Variants in RERE observed in about 807,000 individuals in gnomAD.
RERE encodes the protein arginine-glutamic acid dipeptide repeats protein.
In RERE, 40 loss-of-function variants were observed where a neutral mutation model predicts 146.1. The ratio of observed to expected loss-of-function variants is 0.27; its 90% CI spans 0.21 to 0.36. RERE has a LOEUF of 0.36. Ranked by LOEUF, RERE falls within the 10% of genes least tolerant of loss-of-function variation. The pLI is 1.00. For synonymous variants in RERE, 1,003 were observed against 866.0 expected (o/e 1.16, Z -2.78); for missense variants, 1,933 against 2,138.7 (o/e 0.90, Z 1.90).
intron 1 of RERE, among the ~76,000 whole-genome samples, chr1:8,700,597 G>A (rs1377396806): frequency 1.3e-5 from 2 of 152,148 alleles, no homozygotes; most frequent in African/African-American, 2.4e-5. Flanking sequence ...AACTGCTGTT[G>A]GTCAATGGGT....
At chr1:8,497,598 A>G in intron 8 of RERE, 69 bp from the exon 9 acceptor site, 1 of 1,537,752 alleles carries the variant, frequency 6.5e-7, no homozygotes, top group Non-Finnish European at 9.0e-7. Context: ...CTCAATAAGC[A>G]GTCTTTAGGA....
intron 7 of RERE, among the ~76,000 whole-genome samples, chr1:8,537,497 A>G (rs1645743129): frequency 1.3e-5 from 2 of 152,222 alleles, no homozygotes; most frequent in Non-Finnish European, 2.9e-5. Flanking sequence ...TCAGCCATCA[A>G]ATACATTTTG....
intron 12 of RERE, among the ~76,000 whole-genome samples, chr1:8,416,586 C>CA (rs5772324): frequency 0.59 from 62,703 of 105,396 alleles, 17,313 homozygotes; most frequent in East Asian, 0.76. Flanking sequence ...ACTCCATCTC[C>CA]AAAAAAAAAA....
At position 8,360,329 on chromosome 1, in the gene RERE, C is replaced by A. The variant is rs374275905; in HGVS notation, c.3178G>T (p.Ala1060Ser). The change falls in exon 18 of 23, where the codon GCG (alanine) becomes TCG (serine). Residue 1060 changes from alanine (A) to serine (S), a missense_variant. By Grantham distance (99) the Ala-to-Ser change is moderately conservative. This residue lies in a region of RERE where 1,255 missense variants were observed against 1,153.8 expected (regional missense o/e 1.09). Transcript: ENST00000400908. ...PTCPSTSTPPAGPGTSAQPPC... is the reference protein window; with the variant it reads ...PTCPSTSTPPSGPGTSAQPPC... ...GGCTGGGCCGAGGTGCCAGGTCCCG[C>A]CGGTGGGGTAGAGGTGGAGGGGCAG... The A allele has an allele frequency of 4.6e-6, 7 of 1,523,504 alleles. No homozygotes were observed. The highest frequency in any genetic ancestry group is 1.4e-5 in the African/African-American group (1 of 71,828). 94.4% of individuals were successfully genotyped at this position (1,523,504 alleles called of 1,614,324 possible).
rs116762802 is a variant in RERE at position 8,565,438 on chromosome 1, G to A, written c.523-7915C>T. Reference sequence around the variant, plus strand: ...GACTCTAAGAATGCCCGGGCACCGTGGCGCATGCCTGGAATCCCAGCACTT... The same window carrying A: ...GACTCTAAGAATGCCCGGGCACCGTAGCGCATGCCTGGAATCCCAGCACTT... On this transcript the variant is annotated intron_variant, in intron 4 of 22. Transcript: ENST00000400908. Among the ~76,000 whole-genome samples, 1,216 of 152,294 alleles carry A rather than the reference G, an allele frequency of 8.0e-3. 13 individuals are homozygous for A. The highest frequency in any genetic ancestry group is 0.028 in the African/African-American group (1,162 of 41,562).
chr1:8,601,684 T>C (rs1271155355), intron 4 of RERE, among the ~76,000 whole-genome samples: 4 of 114,356 alleles, frequency 3.5e-5, no homozygotes, highest in African/African-American at 7.0e-5. Context: ...CTTCCTTCCA[T>C]GATCCTTTGG....
At chr1:8,404,160 T>C (rs2124446244) in intron 12 of RERE, among the ~76,000 whole-genome samples, 1 of 152,132 alleles carries the variant, frequency 6.6e-6, no homozygotes, top group South Asian at 2.1e-4. Flanking sequence ...CCGGGTGCGG[T>C]GGCTCACGCT....
At chr1:8,459,451 A>T (rs1357245115) in intron 11 of RERE, among the ~76,000 whole-genome samples, 1 of 152,214 alleles carries the variant, frequency 6.6e-6, no homozygotes, top group Non-Finnish European at 1.5e-5. Context: ...TTCAATTTAA[A>T]ATGTACTAAG....
At chr1:8,396,779 A>G (rs758293457) in intron 12 of RERE, among the ~76,000 whole-genome samples, 1 of 151,868 alleles carries the variant, frequency 6.6e-6, no homozygotes, top group South Asian at 2.1e-4. Flanking sequence ...CGCTTTCATC[A>G]TCCCCCAAAG....
At chr1:8,781,356 C>CA (rs55676461) in intron 1 of RERE, among the ~76,000 whole-genome samples, 6,879 of 129,484 alleles carry the variant, frequency 0.053, 259 homozygotes, top group African/African-American at 0.11. Context: ...GACTCCGTCT[C>CA]AAAAAAAAAA....
chr1:8,694,202 G>T (rs1228149873), intron 1 of RERE, among the ~76,000 whole-genome samples: 1 of 152,100 alleles, frequency 6.6e-6, no homozygotes, highest in Admixed American at 6.6e-5. Context: ...CTCTTTGCTG[G>T]CAATATGATT....
chr1:8,555,782 C>T (rs139933004), intron 6 of RERE, among the ~76,000 whole-genome samples: 3 of 152,226 alleles, frequency 2.0e-5, no homozygotes, highest in East Asian at 3.9e-4. Context: ...CCCAAAGATG[C>T]AAATGTCATG....
intron 10 of RERE, among the ~76,000 whole-genome samples, chr1:8,487,773 T>C (rs1021969505): frequency 4.6e-5 from 7 of 152,142 alleles, no homozygotes; most frequent in East Asian, 1.9e-4. Flanking sequence ...GCACACGACA[T>C]GTTTAGCAGG....
At chr1:8,411,930 C>T (rs144900517) in intron 12 of RERE, among the ~76,000 whole-genome samples, 2 of 152,212 alleles carry the variant, frequency 1.3e-5, no homozygotes, top group East Asian at 3.9e-4. Context: ...ATTACAGATT[C>T]TCGCCAAATG....
intron 4 of RERE, among the ~76,000 whole-genome samples, chr1:8,574,660 C>CA (rs1478419564): frequency 6.6e-6 from 1 of 151,980 alleles, no homozygotes; most frequent in Non-Finnish European, 1.5e-5. Context: ...CATGCTAAGC[C>CA]AAAAAAATCA....
intron 1 of RERE, among the ~76,000 whole-genome samples, chr1:8,805,328 T>C (rs1319291024): frequency 6.6e-6 from 1 of 151,960 alleles, no homozygotes; most frequent in Non-Finnish European, 1.5e-5. Flanking sequence ...ACCTAGCCAA[T>C]ATGGTGAAAC....
At chr1:8,773,706 A>C (rs1037865198) in intron 1 of RERE, among the ~76,000 whole-genome samples, 1 of 151,970 alleles carries the variant, frequency 6.6e-6, no homozygotes, top group East Asian at 1.9e-4. Context: ...CATCTATAAT[A>C]CCAGCTACTT....
At chr1:8,532,418 TG>T (rs71580032) in intron 7 of RERE, among the ~76,000 whole-genome samples, 7 of 84,748 alleles carry the variant, frequency 8.3e-5, no homozygotes, top group African/African-American at 4.0e-4. Context: ...CTCTTTTATT[TG>T]GGGGGGGTCC....
chr1:8,478,929 T>C (rs1026118812), intron 10 of RERE, among the ~76,000 whole-genome samples: 3 of 152,234 alleles, frequency 2.0e-5, no homozygotes, highest in Non-Finnish European at 4.4e-5. Context: ...ATGGTAGTTA[T>C]ACATGACAAT....
Sources: gnomAD v4.1 joint callset for allele counts (sites outside exome capture counted in the v4.1 genomes callset) on GRCh38, gnomAD v4.1.1 for gene constraint, gnomAD v4.1.1 regional missense constraint, MANE v1.5 for transcripts, NCBI Gene and HGNC (gene_info 2026-07-23, HGNC 2026-07-21) for gene names.